Variants in GPR155 observed in about 807,000 individuals in gnomAD.
GPR155 encodes the protein lysosomal cholesterol signaling protein.
Under a neutral mutation model 93.1 loss-of-function variants are expected in GPR155, and 65 were observed. That is an observed-to-expected ratio of 0.70 (90% confidence interval 0.57 to 0.86). The LOEUF is 0.86. GPR155 is among the 40% of genes least tolerant of loss of function. The pLI, the probability that GPR155 is intolerant of heterozygous loss-of-function variation, is 0.00. For synonymous variants in GPR155, 319 were observed against 360.1 expected (o/e 0.89, Z 1.29); for missense variants, 838 against 1,034.8 (o/e 0.81, Z 2.61).
intron 15 of GPR155, among the ~76,000 whole-genome samples, chr2:174,439,043 G>A (rs1416059756): frequency 3.3e-5 from 5 of 152,062 alleles, no homozygotes; most frequent in Admixed American, 1.3e-4. Context: ...GCCAACAAGC[G>A]GCAGTTCAGG....
intron 2 of GPR155, among the ~76,000 whole-genome samples, chr2:174,474,182 G>T (rs1688078771): frequency 6.6e-6 from 1 of 152,178 alleles, no homozygotes; most frequent in South Asian, 2.1e-4. Context: ...GAGGATCAGT[G>T]GTCTAGCCGG....
At chr2:174,464,765 T>C (rs1231652012) in intron 7 of GPR155, among the ~76,000 whole-genome samples, 1 of 152,142 alleles carries the variant, frequency 6.6e-6, no homozygotes, top group Non-Finnish European at 1.5e-5. Context: ...GCATAAAAAC[T>C]CATGCTATGC....
At chr2:174,436,437 A>C in intron 15 of GPR155, 21 bp from the exon 16 acceptor site, 1 of 1,610,554 alleles carries the variant, frequency 6.2e-7, no homozygotes. Flanking sequence ...GGAATGATTC[A>C]CCCATATTTT....
chr2:174,470,314 TA>T, intron 4 of GPR155, 75 bp downstream of exon 4: 1 of 1,187,404 alleles, frequency 8.4e-7, no homozygotes, highest in Non-Finnish European at 1.2e-6. Context: ...AAAAGAATTT[TA>T]AAAAATTTGA....
chr2:174,453,706 A>G, intron 11 of GPR155, 31 bp downstream of exon 11: 1 of 994,176 alleles, frequency 1.0e-6, no homozygotes, highest in Admixed American at 1.7e-5. Context: ...TCTGTCCCTT[A>G]ATCCCATCCT....
At chr2:174,448,046 T>C (rs1275343342) in intron 11 of GPR155, among the ~76,000 whole-genome samples, 1 of 152,094 alleles carries the variant, frequency 6.6e-6, no homozygotes, top group Non-Finnish European at 1.5e-5. Context: ...CCTTTCACCA[T>C]ATACAAAAAT....
intron 1 of GPR155, among the ~76,000 whole-genome samples, chr2:174,486,122 T>C (rs1056892781): frequency 1.8e-4 from 27 of 152,192 alleles, no homozygotes; most frequent in African/African-American, 6.0e-4. Flanking sequence ...TGTAATACAG[T>C]GTGGTACTAT....
chr2:174,471,691 G>C (rs992291117), intron 3 of GPR155, among the ~76,000 whole-genome samples: 1 of 151,920 alleles, frequency 6.6e-6, no homozygotes, highest in African/African-American at 2.4e-5. Context: ...AGGCCCTCTG[G>C]GATGGAGTAA....
intron 15 of GPR155, among the ~76,000 whole-genome samples, 191 bp downstream of exon 15, chr2:174,439,707 G>A (rs1171975875): frequency 3.9e-5 from 6 of 152,050 alleles, no homozygotes; most frequent in Admixed American, 1.3e-4. Flanking sequence ...TAAAATCAAC[G>A]TAAATGGTTC....
intron 13 of GPR155, among the ~76,000 whole-genome samples, chr2:174,442,758 T>G (rs1477756331): frequency 6.6e-6 from 1 of 152,162 alleles, no homozygotes; most frequent in East Asian, 1.9e-4. Context: ...TGTGTCACAC[T>G]GGGATAAGGA....
chr2:174,439,781 G>A, intron 15 of GPR155, 117 bp downstream of exon 15: 1 of 803,654 alleles, frequency 1.2e-6, no homozygotes, highest in Non-Finnish European at 2.0e-6. Flanking sequence ...ACATGCATAT[G>A]TAAAAATAAT....
Position 174,439,992 on chromosome 2 carries a change from C to T in GPR155, c.2218G>A (p.Asp740Asn). 1 of 1,608,204 alleles carries T rather than the reference C, an allele frequency of 6.2e-7. No homozygotes were observed. The highest frequency in any genetic ancestry group is 8.5e-7 in the Non-Finnish European group (1 of 1,175,088). Residue 740 changes from aspartate (D) to asparagine (N), a missense_variant, in exon 15 of 16, where the codon GAT becomes AAT. Around this residue, in one of 3 missense-constraint regions of GPR155, gnomAD observed 146 missense variants for 177.5 expected, o/e 0.82. Coordinates refer to ENST00000392552, the MANE Select transcript of GPR155 (RefSeq NM_152529.7). ...WNNKDTAENR[D>N]SPVSEEIKMT... ...TTTATTTCCTCTGAAACAGGAGAAT[C>T]CCTGTTTTCTGCTGTGTCTTTATTG...
intron 10 of GPR155, among the ~76,000 whole-genome samples, chr2:174,456,935 A>C (rs1687536389): frequency 6.6e-6 from 1 of 152,244 alleles, no homozygotes; most frequent in South Asian, 2.1e-4. Context: ...CCAAATTCAT[A>C]ATAGTGGTTA....
intron 4 of GPR155, 130 bp downstream of exon 4, chr2:174,470,260 G>C (rs1165829851): frequency 1.4e-6 from 1 of 721,066 alleles, no homozygotes; most frequent in East Asian, 2.8e-5. Flanking sequence ...CCAGCCTGGG[G>C]CAACATAGTG....
At position 174,436,175 on chromosome 2, in the gene GPR155, G is replaced by A. The variant is rs201502241; in HGVS notation, c.2554C>T (p.Gln852Ter). ...PPAINANTLQ[Q>*]ERYKEIEHSS... ...TGCTCAATTTCTTTATATCTTTCCT[G>A]TTGGAGAGTGTTTGCATTAATAGCA... The change falls in exon 16 of 16, where the codon CAG becomes TAG. Residue 852 changes from glutamine (Q) to a stop codon, truncating the protein, a stop_gained. Coordinates refer to ENST00000392552, the MANE Select transcript of GPR155 (RefSeq NM_152529.7). LOFTEE classifies it high-confidence loss of function. 3.1e-6 allele frequency: 5 copies of A among 1,613,980 alleles called. No individual in the cohort carries two copies. The highest frequency in any genetic ancestry group is 4.2e-6 in the Non-Finnish European group (5 of 1,179,862).
chr2:174,440,935 T>A (rs1160057981), intron 14 of GPR155, among the ~76,000 whole-genome samples: 1 of 152,190 alleles, frequency 6.6e-6, no homozygotes, highest in Non-Finnish European at 1.5e-5. Context: ...AATTGTGTTG[T>A]CAAAGGAGAC....
At chr2:174,486,062 C>T (rs1688469021) in intron 1 of GPR155, among the ~76,000 whole-genome samples, 3 of 152,204 alleles carry the variant, frequency 2.0e-5, no homozygotes. Context: ...AAGCTTTAAA[C>T]TCTCAGGCTA....
At chr2:174,469,489 A>G (rs1687933003) in intron 4 of GPR155, among the ~76,000 whole-genome samples, 1 of 152,236 alleles carries the variant, frequency 6.6e-6, no homozygotes, top group Non-Finnish European at 1.5e-5. Context: ...GACCTCCATT[A>G]AACAACTTAG....
intron 10 of GPR155, among the ~76,000 whole-genome samples, chr2:174,454,143 T>A (rs1204048208): frequency 6.6e-6 from 1 of 152,156 alleles, no homozygotes; most frequent in Non-Finnish European, 1.5e-5. Flanking sequence ...TTTGTTCTGT[T>A]TTTTTGTTTT....
Sources: gnomAD v4.1 joint callset for allele counts (sites outside exome capture counted in the v4.1 genomes callset) on GRCh38, gnomAD v4.1.1 for gene constraint, gnomAD v4.1.1 regional missense constraint, MANE v1.5 for transcripts, NCBI Gene and HGNC (gene_info 2026-07-23, HGNC 2026-07-21) for gene names.